Variants in SPATA18 observed in about 807,000 individuals in gnomAD.
The protein encoded by SPATA18 is mitochondria-eating protein.
Under a neutral mutation model 68.1 loss-of-function variants are expected in SPATA18, and 54 were observed. The observed-to-expected ratio is 0.79, with a 90% CI of 0.64 to 0.99. SPATA18 has a LOEUF of 0.99. Among genes scored for constraint, SPATA18 ranks in the 50% least tolerant of loss-of-function variants. SPATA18 has a pLI of 0.00. For missense variants in SPATA18, 724 were observed against 681.1 expected, an observed-to-expected ratio of 1.06 and a Z score of -0.70; for synonymous variants, 242 against 244.8, an observed-to-expected ratio of 0.99 and a Z score of 0.11.
intron 5 of SPATA18, 124 bp downstream of exon 5, chr4:52,070,040 T>TGA: frequency 4.2e-6 from 1 of 240,832 alleles, no homozygotes; most frequent in Non-Finnish European, 7.5e-6. Flanking sequence ...TTTTTATTAA[T>TGA]TATATATATA....
At chr4:52,079,721 T>C in intron 8 of SPATA18, 23 bp from the exon 9 acceptor site, 1 of 1,611,916 alleles carries the variant, frequency 6.2e-7, no homozygotes, top group Non-Finnish European at 8.5e-7. Context: ...GGTAACAAAG[T>C]GATGCCATCT....
At chr4:52,055,183 G>C (rs947363545) in intron 1 of SPATA18, among the ~76,000 whole-genome samples, 1 of 152,130 alleles carries the variant, frequency 6.6e-6, no homozygotes, top group African/African-American at 2.4e-5. Flanking sequence ...TTGTATTCCT[G>C]AATATTTTAT....
chr4:52,086,101 A>G (rs1207212652), intron 11 of SPATA18, among the ~76,000 whole-genome samples: 1 of 152,144 alleles, frequency 6.6e-6, no homozygotes, highest in Non-Finnish European at 1.5e-5. Context: ...AACCTTGTTT[A>G]GAGAGAGTGG....
At chr4:52,054,573 A>G (rs1167791360) in intron 1 of SPATA18, among the ~76,000 whole-genome samples, 2 of 152,122 alleles carry the variant, frequency 1.3e-5, no homozygotes, top group Non-Finnish European at 2.9e-5. Flanking sequence ...TCCTATATTC[A>G]TTTTGGGGTA....
intron 1 of SPATA18, among the ~76,000 whole-genome samples, chr4:52,056,876 C>T (rs1362575630): frequency 6.6e-6 from 1 of 152,106 alleles, no homozygotes; most frequent in Non-Finnish European, 1.5e-5. Flanking sequence ...TCTGTTGCAT[C>T]CTTAAACATT....
rs569318856 is a variant in SPATA18 at position 52,083,417 on chromosome 4, T to C, written c.1479+907T>C. On this transcript the variant is annotated intron_variant, in intron 10 of 12. Transcript: ENST00000295213. ...GGGTTTTTGTAGCTTAAAAATCCCA[T>C]TACAGTGAATACTATCTTAAAATGT... 3.0e-6 allele frequency: 3 copies of C among 985,434 alleles called. No individual in the cohort carries two copies. In the South Asian group the frequency reaches 1.4e-4, roughly 46 times the overall value. 61.0% of individuals were successfully genotyped at this position (985,434 alleles called of 1,614,324 possible).
At chr4:52,065,934 C>G (rs1739271250) in intron 4 of SPATA18, among the ~76,000 whole-genome samples, 1 of 152,168 alleles carries the variant, frequency 6.6e-6, no homozygotes, top group Admixed American at 6.5e-5. Context: ...TCCAATCTAT[C>G]AGAATGTCCA....
At chr4:52,080,517 T>C (rs951157717) in intron 9 of SPATA18, among the ~76,000 whole-genome samples, 1 of 152,122 alleles carries the variant, frequency 6.6e-6, no homozygotes, top group Non-Finnish European at 1.5e-5. Context: ...TTTAAAACAT[T>C]GTATTGTGAT....
At chr4:52,088,465 T>C (rs1741634644) in intron 11 of SPATA18, among the ~76,000 whole-genome samples, 2 of 152,232 alleles carry the variant, frequency 1.3e-5, no homozygotes, top group Admixed American at 1.3e-4. Flanking sequence ...ACTTAGTTTA[T>C]TGAGAGTTTT....
intron 10 of SPATA18, 55 bp from the exon 11 acceptor site, chr4:52,084,861 T>G: frequency 6.5e-7 from 1 of 1,548,880 alleles, no homozygotes; most frequent in Middle Eastern, 1.7e-4. Flanking sequence ...TTTTGAGCCA[T>G]GACAGTTTTC....
chr4:52,055,813 C>A (rs1738287965), intron 1 of SPATA18, among the ~76,000 whole-genome samples: 1 of 152,134 alleles, frequency 6.6e-6, no homozygotes, highest in Non-Finnish European at 1.5e-5. Context: ...GAAATCTGGA[C>A]CAATTTTTAT....
At chr4:52,072,394 A>T (rs966850919) in intron 6 of SPATA18, among the ~76,000 whole-genome samples, 2 of 151,906 alleles carry the variant, frequency 1.3e-5, no homozygotes, top group African/African-American at 4.8e-5. Context: ...AGATATGGAG[A>T]AGGAAAGTTC....
chr4:52,071,807 T>C, intron 5 of SPATA18, 110 bp from the exon 6 acceptor site: 1 of 1,051,744 alleles, frequency 9.5e-7, no homozygotes, highest in Non-Finnish European at 1.4e-6. Flanking sequence ...GCAGGCTGAG[T>C]AGCCTCTGTT....
intron 11 of SPATA18, 70 bp downstream of exon 11, chr4:52,085,069 C>A: frequency 1.6e-6 from 2 of 1,226,318 alleles, no homozygotes; most frequent in Non-Finnish European, 2.4e-6. Flanking sequence ...TTTGCTTCAG[C>A]AATACAAAAG....
At chr4:52,079,165 G>C (rs1227497601) in intron 8 of SPATA18, among the ~76,000 whole-genome samples, 1 of 152,086 alleles carries the variant, frequency 6.6e-6, no homozygotes, top group African/African-American at 2.4e-5. Context: ...AAGGATTTGG[G>C]GAAAAGTATG....
chr4:52,061,620 C>T (rs1290628510), intron 3 of SPATA18, among the ~76,000 whole-genome samples: 1 of 152,024 alleles, frequency 6.6e-6, no homozygotes, highest in Non-Finnish European at 1.5e-5. Flanking sequence ...ACCAGTCCCT[C>T]TTTTATGGCC....
rs748597597 is a variant in SPATA18, at chr4:52,084,929, G to T, written c.1493G>T (p.Arg498Leu). The change falls in exon 11 of 13, where the codon CGA (arginine) becomes CTA (leucine). Residue 498 changes from arginine (R) to leucine (L), a missense_variant. Arg to Leu is a moderately radical substitution (Grantham distance 102). Coordinates refer to ENST00000295213, the MANE Select transcript of SPATA18 (RefSeq NM_145263.4). ...CTCTTTTTTAAGTGGAATTCGGTGC[G>T]ATCTGTAAGTCGTTGTCGAAGCAGG... ...TRRGAFWNSV[R>L]SVSRCRSRSL... The T allele has an allele frequency of 2.5e-6, 4 of 1,613,862 alleles. No individual in the cohort carries two copies. The highest frequency in any genetic ancestry group is 1.7e-5 in the Admixed American group (1 of 60,000).
intron 5 of SPATA18, among the ~76,000 whole-genome samples, chr4:52,070,900 A>G (rs1009804076): frequency 9.3e-5 from 14 of 150,638 alleles, no homozygotes. Flanking sequence ...GGTGTTTTAC[A>G]CACACACACA....
chr4:52,092,990 G>A (rs562026553), intron 11 of SPATA18, among the ~76,000 whole-genome samples: 1 of 152,154 alleles, frequency 6.6e-6, no homozygotes, highest in African/African-American at 2.4e-5. Context: ...GGGACCACCA[G>A]AGAGTGGATG....
Sources: gnomAD v4.1 joint callset for allele counts (sites outside exome capture counted in the v4.1 genomes callset) on GRCh38, gnomAD v4.1.1 for gene constraint, MANE v1.5 for transcripts, NCBI Gene and HGNC (gene_info 2026-07-23, HGNC 2026-07-21) for gene names.